Variants in EYS observed in about 807,000 individuals in gnomAD.
The protein encoded by EYS is protein eyes shut homolog.
In EYS, 250 loss-of-function variants were observed where a neutral mutation model predicts 282.1. The ratio of observed to expected loss-of-function variants is 0.89; its 90% confidence interval spans 0.80 to 0.98. The LOEUF is 0.98. Among genes scored for constraint, EYS ranks in the 50% least tolerant of loss-of-function variants. EYS has a pLI of 0.00. For synonymous variants in EYS, 1,355 were observed against 1,282.9 expected (o/e 1.06, Z -1.20); for missense variants, 4,016 against 3,709.0 (o/e 1.08, Z -2.15).
chr6:65,570,347 G>T (rs1332562299), intron 2 of EYS, among the ~76,000 whole-genome samples: 3 of 152,270 alleles, frequency 2.0e-5, no homozygotes, highest in African/African-American at 7.2e-5. Context: ...ATTATGCTTA[G>T]CAAATAGGTT....
chr6:64,388,557 A>C (rs1772985821), intron 29 of EYS, 133 bp downstream of exon 29: 1 of 698,930 alleles, frequency 1.4e-6, no homozygotes, highest in Non-Finnish European at 2.2e-6. Context: ...TCACTCAAAA[A>C]CTTTTTTGAA....
chr6:64,923,520 A>G (rs1252296775), intron 15 of EYS, among the ~76,000 whole-genome samples: 1 of 152,186 alleles, frequency 6.6e-6, no homozygotes, highest in Non-Finnish European at 1.5e-5. Context: ...TGTTCCTAAC[A>G]GTCCCTCAAA....
rs80177760 is a variant in EYS, at chr6:64,368,395, G to A, written c.6078+20295C>T. Among the ~76,000 whole-genome samples, 262 of 152,128 alleles carry A rather than the reference G, an allele frequency of 1.7e-3. 4 individuals are homozygous for A. In the East Asian group the frequency reaches 0.018, roughly 11 times the overall value. ...CCTTGCTCTTTGTGAATAGTGCTGCGATAAACATATGTGCACGTGTCTTTA... is the reference window on the plus strand; with the variant it reads ...CCTTGCTCTTTGTGAATAGTGCTGCAATAAACATATGTGCACGTGTCTTTA... On this transcript the variant is annotated intron_variant, in intron 29 of 42. Coordinates refer to ENST00000503581, the MANE Select transcript of EYS (RefSeq NM_001142800.2).
At chr6:65,506,178 T>C (rs1766645324) in intron 2 of EYS, among the ~76,000 whole-genome samples, 1 of 152,120 alleles carries the variant, frequency 6.6e-6, no homozygotes, top group East Asian at 1.9e-4. Context: ...GGGAGCATAA[T>C]ATATCTTTTC....
intron 37 of EYS, among the ~76,000 whole-genome samples, chr6:63,801,757 C>A (rs1770787025): frequency 6.6e-6 from 1 of 152,156 alleles, no homozygotes; most frequent in Non-Finnish European, 1.5e-5. Flanking sequence ...CAGGATATTT[C>A]CAGAGAGCTC....
intron 22 of EYS, among the ~76,000 whole-genome samples, chr6:64,675,928 T>C (rs1769646140): frequency 6.6e-6 from 1 of 150,774 alleles, no homozygotes; most frequent in Non-Finnish European, 1.5e-5. Context: ...TCTCTCTCTC[T>C]CCCTCTTTAT....
intron 26 of EYS, among the ~76,000 whole-genome samples, chr6:64,467,497 T>C (rs1775962745): frequency 6.6e-6 from 1 of 152,220 alleles, no homozygotes. Context: ...TGGTAAATTC[T>C]AATGAGTTGA....
At chr6:65,507,947 C>T (rs1766718901) in intron 2 of EYS, among the ~76,000 whole-genome samples, 1 of 152,112 alleles carries the variant, frequency 6.6e-6, no homozygotes, top group South Asian at 2.1e-4. Context: ...CTGATGATTA[C>T]TTTGTCTCTT....
intron 39 of EYS, chr6:63,779,427 C>T (rs1770151079): frequency 6.7e-6 from 1 of 149,622 alleles, no homozygotes; most frequent in Non-Finnish European, 1.5e-5. Flanking sequence ...GCACTCCAGC[C>T]TGGGCAACAG....
intron 28 of EYS, among the ~76,000 whole-genome samples, chr6:64,424,430 T>C (rs976457149): frequency 1.5e-4 from 23 of 152,216 alleles, no homozygotes; most frequent in Non-Finnish European, 1.5e-5. Flanking sequence ...AATAATTTCA[T>C]GCAACTCTGG....
At chr6:65,438,427 G>A (rs1277393811) in intron 5 of EYS, among the ~76,000 whole-genome samples, 9 of 152,100 alleles carry the variant, frequency 5.9e-5, no homozygotes, top group African/African-American at 1.4e-4. Context: ...TTGAGGAATC[G>A]CCATACTGTC....
chr6:65,270,159 T>C (rs1348630132), intron 12 of EYS, among the ~76,000 whole-genome samples: 1 of 152,128 alleles, frequency 6.6e-6, no homozygotes, highest in Non-Finnish European at 1.5e-5. Flanking sequence ...CAAGCTACAA[T>C]AGTAGGACAG....
intron 31 of EYS, among the ~76,000 whole-genome samples, chr6:64,203,556 TTC>T (rs1765529075): frequency 6.6e-6 from 1 of 152,186 alleles, no homozygotes; most frequent in African/African-American, 2.4e-5. Flanking sequence ...CATGCATGGC[TTC>T]TATGGGATTA....
At chr6:64,569,348 C>T (rs1765649880) in intron 26 of EYS, among the ~76,000 whole-genome samples, 1 of 151,708 alleles carries the variant, frequency 6.6e-6, no homozygotes, top group Admixed American at 6.6e-5. Context: ...ATGAAGCATA[C>T]ACAAGTACCA....
chr6:64,649,177 T>C (rs191101609), intron 22 of EYS, among the ~76,000 whole-genome samples: 1 of 152,140 alleles, frequency 6.6e-6, no homozygotes, highest in Non-Finnish European at 1.5e-5. Context: ...CAAAATTTAA[T>C]GAAAAAAGAC....
chr6:65,485,090 CAATA>C (rs1765740790), intron 5 of EYS, among the ~76,000 whole-genome samples: 1 of 152,140 alleles, frequency 6.6e-6, no homozygotes, highest in Non-Finnish European at 1.5e-5. Flanking sequence ...TCTTATTCTA[CAATA>C]AATACTTACT....
intron 31 of EYS, among the ~76,000 whole-genome samples, chr6:64,112,329 A>T (rs939853145): frequency 6.6e-6 from 1 of 152,004 alleles, no homozygotes; most frequent in Non-Finnish European, 1.5e-5. Context: ...TTGGTCAAGA[A>T]GTTTAATTGA....
intron 13 of EYS, among the ~76,000 whole-genome samples, chr6:65,048,638 T>C (rs1235747872): frequency 6.6e-6 from 1 of 151,896 alleles, no homozygotes; most frequent in African/African-American, 2.4e-5. Context: ...ACTAGGATTA[T>C]TTAAAGGAAA....
At chr6:64,293,561 C>T (rs1768790517) in intron 30 of EYS, among the ~76,000 whole-genome samples, 1 of 151,946 alleles carries the variant, frequency 6.6e-6, no homozygotes, top group Non-Finnish European at 1.5e-5. Flanking sequence ...AGTCATTATC[C>T]TTATATGGAA....
Sources: gnomAD v4.1 joint callset for allele counts (sites outside exome capture counted in the v4.1 genomes callset) on GRCh38, gnomAD v4.1.1 for gene constraint, MANE v1.5 for transcripts, NCBI Gene and HGNC (gene_info 2026-07-23, HGNC 2026-07-21) for gene names.